CAMK4: variants seen among roughly 807,000 people sequenced by gnomAD.
CAMK4 encodes the protein calcium/calmodulin dependent protein kinase IV, also known as calcium/calmodulin-dependent protein kinase type IV.
Under a neutral mutation model 44.9 loss-of-function variants are expected in CAMK4, and 22 were observed. That is an observed-to-expected ratio of 0.49 (90% CI 0.35 to 0.70). The LOEUF is 0.70. CAMK4 is among the 30% of genes least tolerant of loss of function. CAMK4 has a pLI of 0.01. For synonymous variants in CAMK4, 218 were observed against 215.4 expected (o/e 1.01, Z -0.11); for missense variants, 498 against 586.8 (o/e 0.85, Z 1.56).
At chr5:111,329,791 A>G (rs537484979) in intron 1 of CAMK4, among the ~76,000 whole-genome samples, 1 of 151,704 alleles carries the variant, frequency 6.6e-6, no homozygotes, top group Non-Finnish European at 1.5e-5. Flanking sequence ...ATTCATAATT[A>G]AAAAAAGAAA....
intron 8 of CAMK4, among the ~76,000 whole-genome samples, chr5:111,477,364 A>C (rs960218950): frequency 6.6e-6 from 1 of 152,182 alleles, no homozygotes. Flanking sequence ...ATGCACTTTA[A>C]TTTTTCATGC....
At chr5:111,276,031 C>G (rs527362503) in intron 1 of CAMK4, among the ~76,000 whole-genome samples, 2 of 152,230 alleles carry the variant, frequency 1.3e-5, no homozygotes, top group South Asian at 4.1e-4. Flanking sequence ...CAGTTTAATT[C>G]TAATATTAAC....
rs1301510709 is a variant in CAMK4, at chr5:111,493,959, G to C, written c.*9493G>C. 2 of 152,168 alleles carry C rather than the reference G, an allele frequency of 1.3e-5. No homozygotes were observed. Among genetic ancestry groups the C allele is most frequent in the African/African-American group, 2.4e-5 (1 of 41,444 alleles). 9.4% of individuals were successfully genotyped at this position (152,168 alleles called of 1,614,324 possible). ...AGGTTACAAAAATCGTAAGTTAGCA[G>C]ACATTGAGAAAGGAAAACTTCCTAC... On this transcript the variant is annotated 3_prime_UTR_variant, in exon 11 of 11. Transcript: ENST00000282356. The surrounding 1 kb of genome is among the most constrained non-coding windows in gnomAD (Gnocchi z 4.1).
At chr5:111,464,166 G>A (rs60838172) in intron 7 of CAMK4, among the ~76,000 whole-genome samples, 2,809 of 151,776 alleles carry the variant, frequency 0.019, 76 homozygotes, top group African/African-American at 0.064. Context: ...TGGAAATGAC[G>A]GACACATTTA....
At chr5:111,401,379 A>G (rs578023292) in intron 5 of CAMK4, among the ~76,000 whole-genome samples, 33 of 152,298 alleles carry the variant, frequency 2.2e-4, no homozygotes, top group African/African-American at 7.9e-4. Flanking sequence ...TTCAGGAACT[A>G]CAAGGAAATG....
intron 1 of CAMK4, among the ~76,000 whole-genome samples, chr5:111,263,056 C>T (rs1391353676): frequency 6.6e-6 from 1 of 152,164 alleles, no homozygotes; most frequent in African/African-American, 2.4e-5. Flanking sequence ...AGCCAGAGGG[C>T]AGATAGCTGA....
chr5:111,412,703 C>A (rs1752672881), intron 5 of CAMK4, among the ~76,000 whole-genome samples: 1 of 152,048 alleles, frequency 6.6e-6, no homozygotes, highest in Admixed American at 6.6e-5. Flanking sequence ...AACACTGGAC[C>A]AAATTGAGGA....
intron 2 of CAMK4, 30 bp downstream of exon 2, chr5:111,344,132 C>T (rs1749765719): frequency 3.8e-6 from 5 of 1,306,630 alleles, no homozygotes; most frequent in African/African-American, 1.5e-5. Flanking sequence ...AATGGCATCT[C>T]TAAGGGGCCT....
At chr5:111,406,193 T>TC (rs1375942351) in intron 5 of CAMK4, among the ~76,000 whole-genome samples, 1 of 94,706 alleles carries the variant, frequency 1.1e-5, no homozygotes, top group Non-Finnish European at 2.1e-5. Context: ...CCTAATTTAT[T>TC]TTCTCTCTCT....
At chr5:111,383,270 T>C (rs1391884524) in intron 4 of CAMK4, among the ~76,000 whole-genome samples, 1 of 152,214 alleles carries the variant, frequency 6.6e-6, no homozygotes, top group East Asian at 1.9e-4. Flanking sequence ...GAAAAAACTC[T>C]TCTTCCTCTG....
chr5:111,383,817 A>G (rs369897572), intron 4 of CAMK4, among the ~76,000 whole-genome samples: 8 of 152,122 alleles, frequency 5.3e-5, no homozygotes, highest in African/African-American at 1.4e-4. Context: ...CCATTCAGCA[A>G]TGAAAAGGAA....
rs201959904 is a variant in CAMK4, at chr5:111,258,740, CGTGTGTGTGTGT to C, written c.161+34128_161+34139del. Among the ~76,000 whole-genome samples the C allele has an allele frequency of 5.4e-3, 755 of 139,326 alleles. 7 individuals are homozygous for C. The highest frequency in any genetic ancestry group is 0.017 in the African/African-American group (654 of 37,894). The allele number at this position is 139,326 out of a possible 152,430, so 91.4% of individuals were successfully genotyped here. A position where few individuals can be genotyped will look rare whatever the true frequency, so the allele number is the denominator to read the frequency against. On this transcript the variant is annotated intron_variant, in intron 1 of 10. Transcript: ENST00000282356. ...ACCATTACCTCTACAGAGTTATCAG[CGTGTGTGTGTGT>C]GTGTGTGTGTGTGTGTGTGTGTGTG... is the stretch of plus-strand genomic sequence containing the variant.
At chr5:111,325,559 A>T (rs1259622865) in intron 1 of CAMK4, among the ~76,000 whole-genome samples, 1 of 152,040 alleles carries the variant, frequency 6.6e-6, no homozygotes, top group Non-Finnish European at 1.5e-5. Flanking sequence ...TGACTTTTTA[A>T]TAATCACCAT....
At chr5:111,425,347 A>G (rs574695585) in intron 5 of CAMK4, among the ~76,000 whole-genome samples, 1 of 152,334 alleles carries the variant, frequency 6.6e-6, no homozygotes, top group Admixed American at 6.5e-5. Flanking sequence ...CCATGGGCTG[A>G]TGAATCAGAT....
chr5:111,407,084 T>C (rs1049210322), intron 5 of CAMK4, among the ~76,000 whole-genome samples: 2 of 152,140 alleles, frequency 1.3e-5, no homozygotes, highest in Non-Finnish European at 2.9e-5. Flanking sequence ...CCGGGTGCGA[T>C]GGCTCATGCC....
intron 1 of CAMK4, among the ~76,000 whole-genome samples, chr5:111,334,275 A>G (rs1165927141): frequency 6.6e-6 from 1 of 151,596 alleles, no homozygotes. Context: ...CAAATCACTA[A>G]TTAAATCAAT....
intron 1 of CAMK4, among the ~76,000 whole-genome samples, chr5:111,317,662 A>G (rs1748481442): frequency 6.6e-6 from 1 of 152,068 alleles, no homozygotes. Context: ...GAGTAATCTG[A>G]TGGTCAAGTA....
At chr5:111,478,796 T>C (rs1755332113) in intron 9 of CAMK4, among the ~76,000 whole-genome samples, 1 of 152,238 alleles carries the variant, frequency 6.6e-6, no homozygotes. Context: ...AAAGCTGTGC[T>C]GGGTGAATTC....
At chr5:111,390,806 G>A (rs1481465969) in intron 4 of CAMK4, among the ~76,000 whole-genome samples, 3 of 152,076 alleles carry the variant, frequency 2.0e-5, no homozygotes, top group Non-Finnish European at 4.4e-5. Context: ...CCAGGTGGCC[G>A]GGTATCCCCA....
Sources: allele counts gnomAD v4.1 joint callset (sites outside exome capture counted in the v4.1 genomes callset), GRCh38; gene constraint gnomAD v4.1.1; non-coding constraint Gnocchi (gnomAD v3.1); transcripts MANE v1.5; gene names NCBI Gene and HGNC (gene_info 2026-07-23, HGNC 2026-07-21).